The following P3H2 variants were observed in gnomAD, a reference collection of about 807,000 sequenced individuals.
P3H2 encodes the protein prolyl 3-hydroxylase 2.
In P3H2, 80 loss-of-function variants were observed where a neutral mutation model predicts 87.0. The ratio of observed to expected loss-of-function variants is 0.92; its 90% CI spans 0.77 to 1.11. The LOEUF (loss-of-function observed/expected upper bound fraction) is 1.11. Among genes scored for constraint, P3H2 ranks in the 50% least tolerant of loss-of-function variants. P3H2 has a pLI of 0.00. For missense variants in P3H2, 1,001 were observed against 923.9 expected (o/e 1.08, Z -1.08); for synonymous variants, 367 against 359.3 (o/e 1.02, Z -0.24).
chr3:190,051,215 G>A (rs909705481), intron 1 of P3H2, among the ~76,000 whole-genome samples: 2 of 152,154 alleles, frequency 1.3e-5, no homozygotes, highest in Admixed American at 6.5e-5. Context: ...ATAGCTGGGA[G>A]GTTACTCTGG....
chr3:189,994,034 A>G (rs1723961833), intron 3 of P3H2, 60 bp downstream of exon 3: 1 of 1,318,302 alleles, frequency 7.6e-7, no homozygotes. Context: ...AGTTTTTTAC[A>G]AATTGCAAGT....
chr3:189,988,664 T>C (rs555051553), intron 4 of P3H2, among the ~76,000 whole-genome samples: 43 of 152,306 alleles, frequency 2.8e-4, no homozygotes, highest in Middle Eastern at 3.4e-3. Context: ...TAAAAAACCA[T>C]GCAAAATGTC....
chr3:190,082,725 T>TTC (rs1727083133), intron 1 of P3H2, among the ~76,000 whole-genome samples: 1 of 152,166 alleles, frequency 6.6e-6, no homozygotes, highest in Admixed American at 6.5e-5. Context: ...TTTGTGAAGG[T>TTC]GATGAGCTTA....
intron 1 of P3H2, among the ~76,000 whole-genome samples, chr3:190,077,234 CT>C (rs746483779): frequency 2.6e-5 from 4 of 152,304 alleles, no homozygotes; most frequent in East Asian, 3.9e-4. Flanking sequence ...ACCTGGTCTC[CT>C]AGCAACACTG....
chr3:189,957,441 TTGTGTGTGTGTGTG>T lies in P3H2; in HGVS notation c.*457_*470del, dbSNP rs3062107. The stretch of plus-strand genomic sequence containing the variant: ...AGCTTTTGAATTTGCAGCAACTTAA[TTGTGTGTGTGTGTG>T]TGTGTGTGTGTGTGTGTGTGTGTGT... On this transcript the variant is annotated 3_prime_UTR_variant, in exon 15 of 15. Coordinates refer to ENST00000319332, the MANE Select transcript of P3H2 (RefSeq NM_018192.4). 4,131 of 255,868 alleles carry T rather than the reference TTGTGTGTGTGTGTG, an allele frequency of 0.016. No homozygotes were observed. Among genetic ancestry groups the T allele is most frequent in the Middle Eastern group, 0.03 (26 of 858 alleles). The allele number at this position is 255,868 out of a possible 1,614,324, so 15.8% of individuals were successfully genotyped here.
chr3:190,063,983 GA>G (rs944787377), intron 1 of P3H2, among the ~76,000 whole-genome samples: 1 of 145,508 alleles, frequency 6.9e-6, no homozygotes, highest in Non-Finnish European at 1.5e-5. Flanking sequence ...AATCATTTTA[GA>G]ATAAACTTTT....
At chr3:190,055,055 T>G (rs899876575) in intron 1 of P3H2, among the ~76,000 whole-genome samples, 2 of 152,200 alleles carry the variant, frequency 1.3e-5, no homozygotes, top group East Asian at 3.8e-4. Context: ...ACATCTTTCT[T>G]GTTCTCTGAG....
At chr3:190,010,029 C>T (rs1724537418) in intron 1 of P3H2, among the ~76,000 whole-genome samples, 1 of 152,130 alleles carries the variant, frequency 6.6e-6, no homozygotes, top group African/African-American at 2.4e-5. Flanking sequence ...TTCCAACTTC[C>T]AGCTTTAATG....
At chr3:190,033,148 G>A (rs1262386505) in intron 1 of P3H2, among the ~76,000 whole-genome samples, 4 of 152,162 alleles carry the variant, frequency 2.6e-5, no homozygotes, top group Non-Finnish European at 5.9e-5. Flanking sequence ...CTGCTGATCC[G>A]ACAGGAGGCA....
intron 1 of P3H2, among the ~76,000 whole-genome samples, chr3:190,035,865 G>T (rs2108950661): frequency 6.6e-6 from 1 of 152,254 alleles, no homozygotes; most frequent in South Asian, 2.1e-4. Flanking sequence ...CTTCTAATTA[G>T]CAGTAATATT....
rs751800036 is a variant in P3H2, at chr3:190,120,650, C to T, written c.82G>A (p.Asp28Asn). ...AGCTCCAGCTCCCGGCGTGGGCTGT[C>T]CGGGGGGCCGCCCCACAGTGGCGGC... ...LPPPLWGGPP[D>N]SPRRELELEP... Residue 28 changes from aspartate (D) to asparagine (N), a missense_variant, in exon 1 of 15, where the codon GAC becomes AAC. Physicochemically the swap from Asp to Asn is conservative, Grantham distance 23. Transcript: ENST00000319332. 1.3e-6 allele frequency: 2 copies of T among 1,525,942 alleles called. No homozygotes were observed. The highest frequency in any genetic ancestry group is 1.7e-6 in the Non-Finnish European group (2 of 1,143,812). The allele number at this position is 1,525,942 out of a possible 1,614,324, so 94.5% of individuals were successfully genotyped here.
intron 2 of P3H2, 52 bp downstream of exon 2, chr3:189,995,238 A>G: frequency 6.3e-7 from 1 of 1,579,026 alleles, no homozygotes; most frequent in Non-Finnish European, 8.7e-7. Flanking sequence ...CTCAGATGAA[A>G]CTTAGGAGCA....
At chr3:190,100,250 GC>G (rs57688779) in intron 1 of P3H2, among the ~76,000 whole-genome samples, 20,576 of 70,178 alleles carry the variant, frequency 0.29, 2,234 homozygotes, top group African/African-American at 0.47. Context: ...CCCCCCCGCC[GC>G]CCCCCCCCCC....
intron 1 of P3H2, among the ~76,000 whole-genome samples, chr3:190,006,580 CT>C (rs1724394965): frequency 6.6e-6 from 1 of 152,104 alleles, no homozygotes; most frequent in African/African-American, 2.4e-5. Flanking sequence ...CATACACAGA[CT>C]ATTGATATCA....
At chr3:190,008,684 T>C (rs1724470775) in intron 1 of P3H2, among the ~76,000 whole-genome samples, 1 of 152,232 alleles carries the variant, frequency 6.6e-6, no homozygotes, top group South Asian at 2.1e-4. Context: ...TATGGAGTCC[T>C]GCTTTGTCTG....
chr3:189,960,963 C>CA (rs1722793826), intron 14 of P3H2, among the ~76,000 whole-genome samples: 1 of 145,746 alleles, frequency 6.9e-6, no homozygotes, highest in East Asian at 2.0e-4. Context: ...TTTTTCAAGA[C>CA]AGAGTCTCAC....
chr3:190,113,285 T>A (rs1712144910), intron 1 of P3H2, among the ~76,000 whole-genome samples: 1 of 151,344 alleles, frequency 6.6e-6, no homozygotes, highest in Non-Finnish European at 1.5e-5. Flanking sequence ...AGTGTCATCA[T>A]CTGTTAAGTG....
At chr3:190,063,133 A>G (rs190783544) in intron 1 of P3H2, among the ~76,000 whole-genome samples, 167 of 152,286 alleles carry the variant, frequency 1.1e-3, no homozygotes, top group African/African-American at 3.9e-3. Flanking sequence ...TAGGAGTTCT[A>G]CTTTTTACAA....
chr3:189,973,511 C>CTTTTTTTTTTTTT (rs869099221), intron 10 of P3H2, among the ~76,000 whole-genome samples: 2 of 35,460 alleles, frequency 5.6e-5, no homozygotes, highest in African/African-American at 1.9e-4. Flanking sequence ...TTCTTTCTTT[C>CTTTTTTTTTTTTT]TTTTTTTTTT....
Sources: gnomAD v4.1 joint callset for allele counts (sites outside exome capture counted in the v4.1 genomes callset) on GRCh38, gnomAD v4.1.1 for gene constraint, MANE v1.5 for transcripts, NCBI Gene and HGNC (gene_info 2026-07-23, HGNC 2026-07-21) for gene names.